PRKCE: variants seen among roughly 807,000 people sequenced by gnomAD.
The protein encoded by PRKCE is protein kinase C epsilon, also known as protein kinase C epsilon type.
PRKCE carries 16 observed loss-of-function variants against 85.4 expected under a neutral mutation model. The ratio of observed to expected loss-of-function variants is 0.19; its 90% CI spans 0.13 to 0.28. PRKCE has a LOEUF of 0.28. Ranked by LOEUF, PRKCE falls within the 10% of genes least tolerant of loss-of-function variation. The pLI, the probability that PRKCE is intolerant of heterozygous loss-of-function variation, is 1.00. For missense variants in PRKCE, 573 were observed against 975.2 expected, an observed-to-expected ratio of 0.59 and a Z score of 5.49; for synonymous variants, 388 against 371.5, an observed-to-expected ratio of 1.04 and a Z score of -0.51.
chr2:45,990,958 A>C (rs549358580), intron 6 of PRKCE, among the ~76,000 whole-genome samples: 1 of 150,422 alleles, frequency 6.6e-6, no homozygotes, highest in African/African-American at 2.4e-5. Flanking sequence ...CACTGCACCC[A>C]GTCTAAATTA....
rs969351935 is a variant in PRKCE, at chr2:46,104,027, G to A, written c.1592+17665G>A. Among the ~76,000 whole-genome samples the A allele has an allele frequency of 4.6e-5, 7 of 152,072 alleles. No homozygotes were observed. In the East Asian group the frequency reaches 7.7e-4, roughly 17 times the overall value. ...TCTAAACTATACCAATTCTTCCACC[G>A]TTTGCTTTATTTTCAGTGCCCATAG... On this transcript the variant is annotated intron_variant, in intron 11 of 14. Transcript: ENST00000306156.
At chr2:45,777,674 G>A (rs748500819) in intron 1 of PRKCE, among the ~76,000 whole-genome samples, 9 of 152,254 alleles carry the variant, frequency 5.9e-5, no homozygotes, top group Middle Eastern at 3.4e-3. Context: ...CAGAGGCCCC[G>A]GGAGGGTAGG....
intron 14 of PRKCE, among the ~76,000 whole-genome samples, chr2:46,173,745 T>C (rs149448872): frequency 4.3e-4 from 65 of 152,364 alleles, no homozygotes; most frequent in African/African-American, 1.2e-3. Context: ...GCCTCTGTGA[T>C]GGCAATCCCT....
intron 10 of PRKCE, among the ~76,000 whole-genome samples, chr2:46,039,864 A>G (rs1708118317): frequency 6.6e-6 from 1 of 152,174 alleles, no homozygotes; most frequent in Non-Finnish European, 1.5e-5. Context: ...TTCACACCAC[A>G]GTCTGCCCTC....
intron 10 of PRKCE, among the ~76,000 whole-genome samples, chr2:46,028,130 C>T (rs186611146): frequency 2.0e-4 from 30 of 152,180 alleles, no homozygotes; most frequent in South Asian, 1.0e-3. Flanking sequence ...TTAGTAGAGA[C>T]GGGGTTTTGC....
At chr2:46,112,578 G>A (rs1672377266) in intron 11 of PRKCE, among the ~76,000 whole-genome samples, 1 of 151,830 alleles carries the variant, frequency 6.6e-6, no homozygotes, top group South Asian at 2.1e-4. Flanking sequence ...TGGTACAGTG[G>A]CACAATCTTG....
chr2:46,024,301 A>G (rs1706923561), intron 10 of PRKCE, among the ~76,000 whole-genome samples: 1 of 149,044 alleles, frequency 6.7e-6, no homozygotes, highest in Admixed American at 6.7e-5. Context: ...TCCTGTTATG[A>G]GGACATTTTT....
chr2:45,845,488 C>T (rs952881622), intron 2 of PRKCE: 5 of 151,988 alleles, frequency 3.3e-5, no homozygotes, highest in Non-Finnish European at 5.9e-5. Context: ...CATCAAGCAT[C>T]CCTTCAGCTC....
At chr2:45,816,706 C>T (rs1245760997) in intron 1 of PRKCE, among the ~76,000 whole-genome samples, 1 of 152,136 alleles carries the variant, frequency 6.6e-6, no homozygotes, top group African/African-American at 2.4e-5. Context: ...CCAGGGTATC[C>T]CCAGCGCCAC....
rs34264556 is a variant in PRKCE, at chr2:45,935,067, T to TCTCACACACA, written c.413-41361_413-41360insTCACACACAC. On this transcript the variant is annotated intron_variant, in intron 2 of 14. Transcript: ENST00000306156. ...CAAAGCGAGACACTCACTCTCTCTCTCACACACACACACACACACACACAC... is the reference window on the plus strand; with the variant it reads ...CAAAGCGAGACACTCACTCTCTCTCTCTCACACACACACACACACACACACACACACACAC... Among the ~76,000 whole-genome samples the TCTCACACACA allele has an allele frequency of 1.4e-4, 21 of 146,356 alleles. 1 individual carries two copies. The South Asian group carries it at 1.8e-3, about 13-fold the overall frequency.
At chr2:45,892,944 A>C (rs1695845302) in intron 2 of PRKCE, among the ~76,000 whole-genome samples, 1 of 152,166 alleles carries the variant, frequency 6.6e-6, no homozygotes, top group African/African-American at 2.4e-5. Context: ...CAGCATCTCC[A>C]CGGGGCTCAG....
intron 2 of PRKCE, among the ~76,000 whole-genome samples, chr2:45,869,145 A>G (rs1347162489): frequency 6.6e-6 from 1 of 152,208 alleles, no homozygotes; most frequent in Non-Finnish European, 1.5e-5. Flanking sequence ...AGGAGCTGAT[A>G]GAAATATTTG....
chr2:46,032,331 C>A (rs1373308379), intron 10 of PRKCE, among the ~76,000 whole-genome samples: 1 of 152,100 alleles, frequency 6.6e-6, no homozygotes, highest in Non-Finnish European at 1.5e-5. Flanking sequence ...CTGTTCCTGA[C>A]AATGTTCATT....
intron 1 of PRKCE, among the ~76,000 whole-genome samples, chr2:45,802,864 C>G (rs541606640): frequency 4.1e-4 from 62 of 152,296 alleles, no homozygotes; most frequent in Non-Finnish European, 1.2e-4. Context: ...TTAAGATTTT[C>G]TAGGACCATC....
intron 11 of PRKCE, among the ~76,000 whole-genome samples, chr2:46,112,740 A>C (rs771504576): frequency 6.6e-6 from 1 of 151,936 alleles, no homozygotes; most frequent in Non-Finnish European, 1.5e-5. Context: ...GGCTAGTCTC[A>C]AACTCCTGAC....
At chr2:45,779,122 A>T (rs1685980792) in intron 1 of PRKCE, among the ~76,000 whole-genome samples, 1 of 152,166 alleles carries the variant, frequency 6.6e-6, no homozygotes, top group African/African-American at 2.4e-5. Context: ...AGTAACTTGG[A>T]ACTTTACTGA....
At chr2:45,796,677 A>T (rs1041717768) in intron 1 of PRKCE, among the ~76,000 whole-genome samples, 6 of 152,298 alleles carry the variant, frequency 3.9e-5, no homozygotes, top group Non-Finnish European at 7.3e-5. Context: ...CAGGTATGTC[A>T]TTGTGGTCAA....
intron 1 of PRKCE, among the ~76,000 whole-genome samples, chr2:45,694,189 A>G (rs988561084): frequency 6.6e-6 from 1 of 150,434 alleles, no homozygotes; most frequent in Admixed American, 6.7e-5. Flanking sequence ...CATTCTAGAT[A>G]GGCTTTCTCT....
intron 1 of PRKCE, among the ~76,000 whole-genome samples, chr2:45,741,104 T>A (rs1397570445): frequency 1.3e-5 from 2 of 152,208 alleles, no homozygotes; most frequent in African/African-American, 4.8e-5. Flanking sequence ...TTAGTGGAAT[T>A]GATACATTTG....
Sources: allele counts gnomAD v4.1 joint callset (sites outside exome capture counted in the v4.1 genomes callset), GRCh38; gene constraint gnomAD v4.1.1; transcripts MANE v1.5; gene names NCBI Gene and HGNC (gene_info 2026-07-23, HGNC 2026-07-21).